SRD5A2: variants seen among roughly 807,000 people sequenced by gnomAD.
SRD5A2 encodes the protein steroid 5 alpha-reductase 2, also known as 3-oxo-5-alpha-steroid 4-dehydrogenase 2.
Under a neutral mutation model 27.4 loss-of-function variants are expected in SRD5A2, and 30 were observed. That is an observed-to-expected ratio of 1.10 (90% CI 0.82 to 1.49). The LOEUF is 1.49. Among genes scored for constraint, SRD5A2 ranks in the 40% most tolerant of loss-of-function variants. SRD5A2 has a pLI of 0.00. For missense variants in SRD5A2, 348 were observed against 323.4 expected (o/e 1.08, Z -0.58); for synonymous variants, 141 against 133.6 (o/e 1.06, Z -0.38).
At chr2:31,568,537 T>C (rs1343156494) in intron 1 of SRD5A2, among the ~76,000 whole-genome samples, 1 of 152,042 alleles carries the variant, frequency 6.6e-6, no homozygotes, top group African/African-American at 2.4e-5. Flanking sequence ...TGCTGATTGG[T>C]CCATGGGCCA....
chr2:31,617,672 G>A, the SRD5A2 span, among the ~76,000 whole-genome samples: 7 of 152,134 alleles, frequency 4.6e-5, no homozygotes, highest in African/African-American at 1.7e-4. Flanking sequence ...CTAGGACAGG[G>A]GCAAAAGGCC....
chr2:31,583,652 C>CAAAAAAAAAAAAAGAAAAAAAAAAAA (rs1352139998), upstream of SRD5A2, among the ~76,000 whole-genome samples: 1 of 20,922 alleles, frequency 4.8e-5, no homozygotes, highest in African/African-American at 1.3e-4. Flanking sequence ...AAAAAAAAAC[C>CAAAAAAAAAAAAAGAAAAAAAAAAAA]AAAAAAAAAG....
At chr2:31,583,306 C>T (rs907152983), upstream of SRD5A2, among the ~76,000 whole-genome samples, 2 of 152,182 alleles carry the variant, frequency 1.3e-5, no homozygotes, top group African/African-American at 4.8e-5. Flanking sequence ...AGGCCAAGAA[C>T]AAGCACACCC....
intron 1 of SRD5A2, among the ~76,000 whole-genome samples, chr2:31,553,054 G>A (rs1666412494): frequency 6.6e-6 from 1 of 152,062 alleles, no homozygotes; most frequent in Non-Finnish European, 1.5e-5. Flanking sequence ...CCTGAAAAAT[G>A]AGATTCTCAG....
chr2:31,641,350 T>G, the SRD5A2 span, among the ~76,000 whole-genome samples: 5 of 152,172 alleles, frequency 3.3e-5, no homozygotes, highest in African/African-American at 9.6e-5. Flanking sequence ...TTAAAGTATG[T>G]AAGGAAAATA....
chr2:31,641,243 T>C, the SRD5A2 span, among the ~76,000 whole-genome samples: 1 of 152,058 alleles, frequency 6.6e-6, no homozygotes, highest in Non-Finnish European at 1.5e-5. Flanking sequence ...AAATTGCAGA[T>C]GAAATATCAA....
rs566419417 is a variant in SRD5A2 at position 31,530,346 on chromosome 2, A to G, written c.548-889T>C. On this transcript the variant is annotated intron_variant, in intron 3 of 4. Coordinates refer to ENST00000622030, the MANE Select transcript of SRD5A2 (RefSeq NM_000348.4). The stretch of plus-strand genomic sequence containing the variant: ...TAGTTATGGAGTGAATGTTTTTAAA[A>G]TCAAAGCCCCTTAGAGTTGAATCTT... 1.4e-4 allele frequency among the ~76,000 whole-genome samples: 21 copies of G among 152,324 alleles called. No homozygotes were observed. The South Asian group carries it at 4.1e-3, about 30-fold the overall frequency.
the SRD5A2 span, among the ~76,000 whole-genome samples, chr2:31,659,090 A>C: frequency 6.6e-6 from 1 of 152,188 alleles, no homozygotes; most frequent in Admixed American, 6.5e-5. Flanking sequence ...TATTACATAA[A>C]CAGAACTAGA....
chr2:31,654,083 T>TAA, the SRD5A2 span, among the ~76,000 whole-genome samples: 9 of 135,150 alleles, frequency 6.7e-5, no homozygotes, highest in African/African-American at 1.9e-4. Flanking sequence ...TAAAGAAAGT[T>TAA]AAAAAAAAAA....
the SRD5A2 span, among the ~76,000 whole-genome samples, chr2:31,600,691 T>A: frequency 6.6e-6 from 1 of 151,850 alleles, no homozygotes; most frequent in South Asian, 2.1e-4. Context: ...GAGACTAGAA[T>A]ACTTCCAAAT....
the SRD5A2 span, among the ~76,000 whole-genome samples, chr2:31,660,698 A>C: frequency 1.3e-5 from 2 of 152,162 alleles, no homozygotes; most frequent in East Asian, 3.8e-4. Flanking sequence ...TATAAAAATT[A>C]AGTAAAAAAT....
At chr2:31,555,588 A>G (rs1346786279) in intron 1 of SRD5A2, among the ~76,000 whole-genome samples, 1 of 152,192 alleles carries the variant, frequency 6.6e-6, no homozygotes, top group Non-Finnish European at 1.5e-5. Context: ...GCAAAAGTAG[A>G]GCCAAGAGCT....
chr2:31,617,485 T>TC, the SRD5A2 span, among the ~76,000 whole-genome samples: 3 of 152,228 alleles, frequency 2.0e-5, no homozygotes, highest in African/African-American at 7.2e-5. Context: ...CATGCAAATT[T>TC]CTGCAGCAGG....
intron 1 of SRD5A2, chr2:31,563,365 T>C (rs1666664882): frequency 6.6e-6 from 1 of 151,980 alleles, no homozygotes; most frequent in African/African-American, 2.4e-5. Context: ...AGGAATTGGA[T>C]TTATCCTCCA....
At chr2:31,566,982 A>G (rs1040293660) in intron 1 of SRD5A2, among the ~76,000 whole-genome samples, 1 of 152,130 alleles carries the variant, frequency 6.6e-6, no homozygotes, top group Non-Finnish European at 1.5e-5. Context: ...ATCAGAGTGT[A>G]CTCTTTATGT....
At chr2:31,542,357 T>A (rs999004457) in intron 1 of SRD5A2, among the ~76,000 whole-genome samples, 3 of 152,242 alleles carry the variant, frequency 2.0e-5, no homozygotes, top group African/African-American at 7.2e-5. Flanking sequence ...AATTTATTTA[T>A]TTATTTATCC....
chr2:31,567,380 T>A (rs1666752168), intron 1 of SRD5A2, among the ~76,000 whole-genome samples: 1 of 152,076 alleles, frequency 6.6e-6, no homozygotes, highest in Non-Finnish European at 1.5e-5. Context: ...TTCTTATTTT[T>A]ATTGAAGTAA....
At chr2:31,543,856 A>G (rs1340127843) in intron 1 of SRD5A2, among the ~76,000 whole-genome samples, 1 of 152,108 alleles carries the variant, frequency 6.6e-6, no homozygotes, top group Non-Finnish European at 1.5e-5. Context: ...CAGTAATAGC[A>G]TACATGAAAA....
intron 1 of SRD5A2, among the ~76,000 whole-genome samples, chr2:31,562,344 G>T (rs1666642027): frequency 1.3e-5 from 2 of 151,950 alleles, no homozygotes; most frequent in African/African-American, 4.8e-5. Flanking sequence ...GGGTAAAATG[G>T]GGTATCCACC....
Sources: allele counts gnomAD v4.1 joint callset (sites outside exome capture counted in the v4.1 genomes callset), GRCh38; gene constraint gnomAD v4.1.1; transcripts MANE v1.5; gene names NCBI Gene and HGNC (gene_info 2026-07-23, HGNC 2026-07-21).